SIPA1L3: variants seen among roughly 807,000 people sequenced by gnomAD.
The protein encoded by SIPA1L3 is signal-induced proliferation-associated 1-like protein 3.
A neutral mutation model predicts 150.1 loss-of-function variants in SIPA1L3; 59 were observed. The observed-to-expected ratio is 0.39, with a 90% CI of 0.32 to 0.49. The LOEUF (loss-of-function observed/expected upper bound fraction) is 0.49, where lower values mean the gene tolerates loss of function less well. Ranked by LOEUF, SIPA1L3 falls within the 20% of genes least tolerant of loss-of-function variation. SIPA1L3 has a pLI of 0.86. For synonymous variants in SIPA1L3, 1,070 were observed against 1,077.6 expected (o/e 0.99, Z 0.14); for missense variants, 2,211 against 2,489.5 (o/e 0.89, Z 2.38).
At chr19:38,039,296 T>G (rs1968857482) in intron 2 of SIPA1L3, among the ~76,000 whole-genome samples, 1 of 151,998 alleles carries the variant, frequency 6.6e-6, no homozygotes, top group African/African-American at 2.4e-5. Context: ...TTCCAGATTT[T>G]TTTCAACACT....
chr19:38,194,940 C>T (rs2146051333), intron 18 of SIPA1L3, among the ~76,000 whole-genome samples: 1 of 152,146 alleles, frequency 6.6e-6, no homozygotes. Context: ...AATGCCAGCT[C>T]CTCAGGAGGC....
At chr19:38,057,776 A>G (rs935558681) in intron 2 of SIPA1L3, among the ~76,000 whole-genome samples, 10 of 151,760 alleles carry the variant, frequency 6.6e-5, no homozygotes, top group Non-Finnish European at 1.5e-4. Context: ...CCTCCCGAGT[A>G]GCTGGGACTA....
chr19:38,124,676 G>A (rs1971128737), intron 9 of SIPA1L3, among the ~76,000 whole-genome samples: 1 of 152,220 alleles, frequency 6.6e-6, no homozygotes, highest in South Asian at 2.1e-4. Context: ...GTTGTAGCAA[G>A]CCGAGATCAC....
chr19:38,113,337 G>T (rs1247742261), intron 8 of SIPA1L3, among the ~76,000 whole-genome samples: 1 of 151,234 alleles, frequency 6.6e-6, no homozygotes, highest in African/African-American at 2.4e-5. Flanking sequence ...CCATAAAAAT[G>T]ATATGATGGG....
intron 1 of SIPA1L3, among the ~76,000 whole-genome samples, chr19:38,002,570 T>G (rs8113568): frequency 0.31 from 46,392 of 151,136 alleles, 7,899 homozygotes; most frequent in East Asian, 0.7. Context: ...CTGTCGGTAC[T>G]AAAAATACAA....
intron 13 of SIPA1L3, among the ~76,000 whole-genome samples, chr19:38,161,726 C>G (rs1600153380): frequency 2.0e-5 from 3 of 151,876 alleles, no homozygotes; most frequent in Admixed American, 6.6e-5. Context: ...GACCCCATCT[C>G]AAAAAAGACA....
chr19:38,155,983 A>C (rs891484528), intron 13 of SIPA1L3, among the ~76,000 whole-genome samples: 4 of 152,170 alleles, frequency 2.6e-5, no homozygotes, highest in African/African-American at 9.7e-5. Context: ...CAGGAGGCTG[A>C]GGCAGGAGAA....
chr19:38,058,336 G>A (rs918750316), intron 2 of SIPA1L3, among the ~76,000 whole-genome samples: 2 of 152,142 alleles, frequency 1.3e-5, no homozygotes, highest in Admixed American at 1.3e-4. Context: ...TGGGGCTGGA[G>A]TGCTCATTCC....
chr19:38,197,009 A>G (rs1455638427), intron 18 of SIPA1L3, among the ~76,000 whole-genome samples: 1 of 152,186 alleles, frequency 6.6e-6, no homozygotes, highest in African/African-American at 2.4e-5. Context: ...CACGTAGTGT[A>G]TACCTCATAT....
At chr19:38,187,702 C>G (rs1457735968) in intron 16 of SIPA1L3, among the ~76,000 whole-genome samples, 4 of 110,816 alleles carry the variant, frequency 3.6e-5, no homozygotes, top group African/African-American at 1.1e-4. Context: ...TGGGCGACAG[C>G]GAGACTCCGT....
At chr19:37,923,753 T>TG (rs2057695517) in intron 1 of SIPA1L3, among the ~76,000 whole-genome samples, 2 of 152,158 alleles carry the variant, frequency 1.3e-5, no homozygotes, top group South Asian at 4.2e-4. Context: ...CTTAACTGTT[T>TG]GGGTTTTTTT....
chr19:38,049,889 G>A (rs1356675675), intron 2 of SIPA1L3, among the ~76,000 whole-genome samples: 1 of 152,044 alleles, frequency 6.6e-6, no homozygotes, highest in Non-Finnish European at 1.5e-5. Context: ...GGGTTTTAAT[G>A]CTCTGATGGT....
intron 2 of SIPA1L3, among the ~76,000 whole-genome samples, chr19:38,057,897 C>T (rs889160096): frequency 6.6e-6 from 1 of 152,150 alleles, no homozygotes. Flanking sequence ...TTCCTGACCT[C>T]GTGATCCACC....
At chr19:38,191,925 C>A (rs1462577891) in intron 16 of SIPA1L3, among the ~76,000 whole-genome samples, 4 of 152,154 alleles carry the variant, frequency 2.6e-5, no homozygotes, top group Non-Finnish European at 4.4e-5. Context: ...GTCCCCAGCA[C>A]CTGGGACAGG....
At chr19:37,967,258 T>C (rs1227570963) in intron 1 of SIPA1L3, among the ~76,000 whole-genome samples, 4 of 139,810 alleles carry the variant, frequency 2.9e-5, no homozygotes, top group African/African-American at 8.2e-5. Context: ...CCCCCCACCC[T>C]TTTTTTTTTT....
chr19:38,112,929 G>A (rs754259600), intron 8 of SIPA1L3, among the ~76,000 whole-genome samples: 16 of 152,110 alleles, frequency 1.1e-4, no homozygotes, highest in African/African-American at 3.9e-4. Context: ...AACTCAGGGC[G>A]AGGTGCAGTG....
At chr19:38,163,572 T>C (rs1428105589) in intron 14 of SIPA1L3, among the ~76,000 whole-genome samples, 1 of 149,842 alleles carries the variant, frequency 6.7e-6, no homozygotes, top group South Asian at 2.1e-4. Context: ...AGAGAGGGCC[T>C]TTGAGGGGGT....
Position 38,164,547 on chromosome 19 carries a change from C to T in SIPA1L3, c.3849C>T (p.Ser1283=), listed in dbSNP as rs761002860. The T allele has an allele frequency of 1.2e-5, 19 of 1,613,920 alleles. No homozygotes were observed. Among genetic ancestry groups the T allele is most frequent in the Admixed American group, 5.0e-5 (3 of 59,988 alleles). ...TLSSNASSSH[S]DDRWFDPLDP... is the part of the protein sequence containing the mutation. ...CCAGCAACGCATCCAGCAGCCACAGCGACGACCGCTGGTTCGACCCCCTGG... is the reference window on the plus strand; with the variant it reads ...CCAGCAACGCATCCAGCAGCCACAGTGACGACCGCTGGTTCGACCCCCTGG... The change falls in exon 15 of 22, where the codon AGC becomes AGT. Residue 1283 remains serine (S), a synonymous_variant. Coordinates refer to ENST00000222345, the MANE Select transcript of SIPA1L3 (RefSeq NM_015073.3). The surrounding 1 kb of genome is among the most constrained non-coding windows in gnomAD (Gnocchi z 4.1).
rs113460900 is a variant in SIPA1L3 at position 37,987,340 on chromosome 19, A to G, written c.-378-41749A>G. Reference sequence around the variant, plus strand: ...GCTTTTCAGATGTGTAGAATCTGGGACACGCACTTTGAATCCTTAGCTGCA... The same window carrying G: ...GCTTTTCAGATGTGTAGAATCTGGGGCACGCACTTTGAATCCTTAGCTGCA... On this transcript the variant is annotated intron_variant, in intron 1 of 21. Coordinates refer to ENST00000222345, the MANE Select transcript of SIPA1L3 (RefSeq NM_015073.3). 2.6e-3 allele frequency among the ~76,000 whole-genome samples: 399 copies of G among 152,146 alleles called. 1 individual carries two copies. Among genetic ancestry groups the G allele is most frequent in the African/African-American group, 9.3e-3 (385 of 41,502 alleles).
Sources: gnomAD v4.1 joint callset for allele counts (sites outside exome capture counted in the v4.1 genomes callset) on GRCh38, gnomAD v4.1.1 for gene constraint, Gnocchi (gnomAD v3.1) non-coding constraint, MANE v1.5 for transcripts, NCBI Gene and HGNC (gene_info 2026-07-23, HGNC 2026-07-21) for gene names.